The following CDYL2 variants were observed in gnomAD, a reference collection of about 807,000 sequenced individuals.
CDYL2 encodes the protein chromodomain Y-like protein 2.
Under a neutral mutation model 49.4 loss-of-function variants are expected in CDYL2, and 23 were observed. That is an observed-to-expected ratio of 0.47 (90% confidence interval 0.34 to 0.66). The LOEUF (loss-of-function observed/expected upper bound fraction) is 0.66. CDYL2 is among the 30% of genes least tolerant of loss of function. The probability of loss-of-function intolerance (pLI) is 0.01; values close to 1 mark genes in which losing one functional copy is unlikely to be tolerated. For synonymous variants in CDYL2, 360 were observed against 268.8 expected, an observed-to-expected ratio of 1.34 and a Z score of -3.32; for missense variants, 678 against 656.4, an observed-to-expected ratio of 1.03 and a Z score of -0.36.
At chr16:80,723,174 G>A (rs1375984056) in intron 1 of CDYL2, among the ~76,000 whole-genome samples, 1 of 152,142 alleles carries the variant, frequency 6.6e-6, no homozygotes, top group Non-Finnish European at 1.5e-5. Context: ...AGGAATTCCT[G>A]GAGAGAGGAA....
chr16:80,784,989 A>T (rs1254228751), intron 1 of CDYL2, among the ~76,000 whole-genome samples: 1 of 152,220 alleles, frequency 6.6e-6, no homozygotes, highest in Non-Finnish European at 1.5e-5. Context: ...AAAAAGAGTC[A>T]GTAAGTTTGG....
intron 2 of CDYL2, chr16:80,639,536 G>C: frequency 2.9e-6 from 1 of 347,972 alleles, no homozygotes; most frequent in Non-Finnish European, 5.6e-6. Flanking sequence ...TGAGTTATGA[G>C]GGAATGGAGC....
intron 4 of CDYL2, among the ~76,000 whole-genome samples, chr16:80,617,602 G>A (rs1474069796): frequency 6.6e-6 from 1 of 152,134 alleles, no homozygotes; most frequent in Non-Finnish European, 1.5e-5. Flanking sequence ...CCCGAGTTGG[G>A]AGAGCTGGAG....
chr16:80,780,884 C>T (rs1907242269), intron 1 of CDYL2, among the ~76,000 whole-genome samples: 1 of 152,136 alleles, frequency 6.6e-6, no homozygotes. Context: ...TTGGAATCAA[C>T]TTATTCTGAC....
intron 2 of CDYL2, among the ~76,000 whole-genome samples, chr16:80,661,909 C>T (rs775133567): frequency 5.9e-5 from 9 of 152,094 alleles, no homozygotes; most frequent in East Asian, 1.9e-4. Flanking sequence ...TAGAGGACAC[C>T]GCATGCTTAA....
intron 1 of CDYL2, among the ~76,000 whole-genome samples, chr16:80,693,730 T>C (rs1227703218): frequency 6.6e-6 from 1 of 152,126 alleles, no homozygotes; most frequent in Non-Finnish European, 1.5e-5. Flanking sequence ...GATTAAACTG[T>C]TCTGCGTGGT....
At chr16:80,700,737 T>C (rs1567576336) in intron 1 of CDYL2, among the ~76,000 whole-genome samples, 1 of 152,270 alleles carries the variant, frequency 6.6e-6, no homozygotes, top group Non-Finnish European at 1.5e-5. Flanking sequence ...ATTTAACAGA[T>C]ATCTATGCAA....
At chr16:80,717,923 T>C (rs1904865330) in intron 1 of CDYL2, among the ~76,000 whole-genome samples, 1 of 152,154 alleles carries the variant, frequency 6.6e-6, no homozygotes, top group South Asian at 2.1e-4. Flanking sequence ...AGCAGGCATG[T>C]CTGTTTCTAA....
chr16:80,623,876 G>A (rs1028211248), intron 3 of CDYL2, among the ~76,000 whole-genome samples: 2 of 152,128 alleles, frequency 1.3e-5, no homozygotes, highest in Admixed American at 6.5e-5. Flanking sequence ...GTGTGGCTAC[G>A]GGAGCAGCAG....
intron 2 of CDYL2, among the ~76,000 whole-genome samples, chr16:80,651,815 G>A (rs1255446264): frequency 1.3e-5 from 2 of 152,176 alleles, no homozygotes; most frequent in Non-Finnish European, 2.9e-5. Context: ...TGATTCCCAT[G>A]GCGGTAGGGG....
At chr16:80,724,118 G>A (rs980523532) in intron 1 of CDYL2, among the ~76,000 whole-genome samples, 2 of 149,932 alleles carry the variant, frequency 1.3e-5, no homozygotes, top group African/African-American at 4.9e-5. Context: ...GAAGAGAAAG[G>A]AGAAGAAAGA....
At chr16:80,740,229 A>G (rs1253201928) in intron 1 of CDYL2, among the ~76,000 whole-genome samples, 1 of 152,132 alleles carries the variant, frequency 6.6e-6, no homozygotes, top group African/African-American at 2.4e-5. Flanking sequence ...AGTGGATGAA[A>G]CTTGCCACTT....
intron 1 of CDYL2, among the ~76,000 whole-genome samples, chr16:80,769,740 C>T (rs937238928): frequency 2.6e-5 from 4 of 151,836 alleles, no homozygotes; most frequent in African/African-American, 7.3e-5. Flanking sequence ...TTTATAGAGA[C>T]GATAAAACTA....
At chr16:80,665,362 A>G (rs1020724721) in intron 2 of CDYL2, among the ~76,000 whole-genome samples, 2 of 152,092 alleles carry the variant, frequency 1.3e-5, no homozygotes, top group Admixed American at 1.3e-4. Context: ...TTCTTCCCAC[A>G]GGAATATGAG....
At chr16:80,643,051 T>G (rs1908171867) in intron 2 of CDYL2, among the ~76,000 whole-genome samples, 1 of 152,198 alleles carries the variant, frequency 6.6e-6, no homozygotes. Context: ...AAGTCCCTTC[T>G]GCCTATAAGC....
At chr16:80,622,653 C>T (rs1428334044) in intron 3 of CDYL2, among the ~76,000 whole-genome samples, 1 of 152,146 alleles carries the variant, frequency 6.6e-6, no homozygotes, top group African/African-American at 2.4e-5. Flanking sequence ...TCCCTCATAG[C>T]CCTTTTCCTC....
At chr16:80,639,860 G>C (rs1908004383) in intron 2 of CDYL2, 2 of 376,402 alleles carry the variant, frequency 5.3e-6, no homozygotes, top group Non-Finnish European at 1.1e-5. Context: ...TCCTGTTATA[G>C]CAGAAAGCAA....
At chr16:80,636,338 C>A (rs1393254900) in intron 2 of CDYL2, among the ~76,000 whole-genome samples, 2 of 152,074 alleles carry the variant, frequency 1.3e-5, no homozygotes, top group African/African-American at 4.8e-5. Context: ...CCAGAATCTA[C>A]AAGGAACTTA....
chr16:80,746,571 G>A (rs905040519), intron 1 of CDYL2, among the ~76,000 whole-genome samples: 1 of 152,210 alleles, frequency 6.6e-6, no homozygotes, highest in Non-Finnish European at 1.5e-5. Flanking sequence ...TAGGGCAAAG[G>A]AAGCCAAGTG....
Sources: allele counts gnomAD v4.1 joint callset (sites outside exome capture counted in the v4.1 genomes callset), GRCh38; gene constraint gnomAD v4.1.1; transcripts MANE v1.5; gene names NCBI Gene and HGNC (gene_info 2026-07-23, HGNC 2026-07-21).